Variants in ZNF215 observed in about 807,000 individuals in gnomAD.
ZNF215 encodes the protein BWSCR2-associated zinc finger protein 2.
Under a neutral mutation model 27.2 loss-of-function variants are expected in ZNF215, and 24 were observed. The ratio of observed to expected loss-of-function variants is 0.88; its 90% confidence interval spans 0.64 to 1.24. ZNF215 has a LOEUF of 1.24. Ranked by LOEUF, ZNF215 falls within the 50% of genes most tolerant of loss-of-function variation. The pLI, the probability that ZNF215 is intolerant of heterozygous loss-of-function variation, is 0.00. For missense variants in ZNF215, 675 were observed against 605.7 expected, an observed-to-expected ratio of 1.11 and a Z score of -1.20; for synonymous variants, 210 against 204.0, an observed-to-expected ratio of 1.03 and a Z score of -0.25.
chr11:6,955,549 G>A (rs1300694479), intron 6 of ZNF215, 141 bp from the exon 7 acceptor site: 8 of 804,870 alleles, frequency 9.9e-6, no homozygotes, highest in East Asian at 3.0e-5. Context: ...TCTTTTATAA[G>A]TATTTTTTTC....
chr11:6,940,089 C>T (rs879327093), intron 3 of ZNF215, among the ~76,000 whole-genome samples: 1 of 151,596 alleles, frequency 6.6e-6, no homozygotes, highest in Non-Finnish European at 1.5e-5. Context: ...AAACATTATC[C>T]AAGTATGGTG....
At chr11:6,987,897 TTTC>T (rs1207145378), downstream of ZNF215, among the ~76,000 whole-genome samples, 3 of 152,160 alleles carry the variant, frequency 2.0e-5, no homozygotes, top group South Asian at 2.1e-4. Flanking sequence ...GATTTGGCCA[TTTC>T]TTCTTCTTAG....
intron 2 of ZNF215, among the ~76,000 whole-genome samples, chr11:6,928,889 G>A (rs182928317): frequency 2.6e-5 from 4 of 152,326 alleles, no homozygotes; most frequent in African/African-American, 9.6e-5. Flanking sequence ...CAGATCAGGA[G>A]GGTCGTGGAT....
At position 6,942,623 on chromosome 11, in the gene ZNF215, T is replaced by C. The variant is rs144715714; in HGVS notation, c.484-460T>C. 5.6e-3 allele frequency among the ~76,000 whole-genome samples: 849 copies of C among 152,298 alleles called. 9 individuals are homozygous for C. Among genetic ancestry groups the C allele is most frequent in the African/African-American group, 0.02 (811 of 41,558 alleles). ...ACATTAAACTGTGAGTCCCAAATGA[T>C]AAGAGTTATCAGGCAGCATTTCTTA... On this transcript the variant is annotated intron_variant, in intron 4 of 6. Coordinates refer to ENST00000278319, the MANE Select transcript of ZNF215 (RefSeq NM_013250.4).
intron 5 of ZNF215, among the ~76,000 whole-genome samples, chr11:6,977,826 A>G (rs147300940): frequency 1.2e-3 from 185 of 152,202 alleles, no homozygotes; most frequent in African/African-American, 4.4e-3. Context: ...ACATTAACTC[A>G]TTCATGAGGG....
intron 5 of ZNF215, among the ~76,000 whole-genome samples, chr11:6,983,775 A>G (rs1039534564): frequency 1.3e-5 from 2 of 152,166 alleles, no homozygotes; most frequent in African/African-American, 4.8e-5. Context: ...ACATATGGCA[A>G]AGGAAGTGCT....
At chr11:6,975,696 C>T (rs1169098877) in intron 5 of ZNF215, among the ~76,000 whole-genome samples, 1 of 152,026 alleles carries the variant, frequency 6.6e-6, no homozygotes, top group Non-Finnish European at 1.5e-5. Context: ...TTTTTTATGG[C>T]TGAATATTAC....
intron 5 of ZNF215, among the ~76,000 whole-genome samples, chr11:6,976,173 G>A (rs764508717): frequency 7.9e-5 from 12 of 151,934 alleles, no homozygotes; most frequent in Non-Finnish European, 1.5e-4. Context: ...ATCATTTGCC[G>A]AGTTTTTGAC....
chr11:6,972,867 T>G (rs1850745092), intron 5 of ZNF215, among the ~76,000 whole-genome samples: 1 of 151,950 alleles, frequency 6.6e-6, no homozygotes, highest in Non-Finnish European at 1.5e-5. Flanking sequence ...ACTGTGCATT[T>G]CCAATGTCAT....
At chr11:6,936,206 GA>G in intron 3 of ZNF215, among the ~76,000 whole-genome samples, 1 of 152,038 alleles carries the variant, frequency 6.6e-6, no homozygotes, top group Non-Finnish European at 1.5e-5. Context: ...CAACAAAACT[GA>G]AAGTTGGTAC....
intron 3 of ZNF215, 121 bp downstream of exon 3, chr11:6,932,793 T>C (rs995517975): frequency 2.2e-6 from 2 of 906,988 alleles, no homozygotes; most frequent in Non-Finnish European, 3.2e-6. Flanking sequence ...TATTACTCTA[T>C]TAGGAAGCCT....
chr11:6,956,414 A>G lies in ZNF215; in HGVS notation c.1437A>G (p.Arg479=). The G allele has an allele frequency of 1.2e-6, 2 of 1,614,192 alleles. No homozygotes were observed. The highest frequency in any genetic ancestry group is 1.7e-6 in the Non-Finnish European group (2 of 1,180,034). ...TCAACCGGAGCTCCTCTCTTATTCGACACCAAATGATTCACACGGGAGAGA... is the reference window on the plus strand; with the variant it reads ...TCAACCGGAGCTCCTCTCTTATTCGGCACCAAATGATTCACACGGGAGAGA... ...KSFNRSSSLI[R]HQMIHTGEKP... The change falls in exon 7 of 7, where the codon CGA becomes CGG. Residue 479 remains arginine, a synonymous_variant. Coordinates refer to ENST00000278319, the MANE Select transcript of ZNF215 (RefSeq NM_013250.4).
At chr11:6,983,114 A>G (rs911681517) in intron 5 of ZNF215, among the ~76,000 whole-genome samples, 2 of 152,176 alleles carry the variant, frequency 1.3e-5, no homozygotes, top group African/African-American at 2.4e-5. Context: ...CTACCATCAG[A>G]GAATACTACA....
intron 5 of ZNF215, among the ~76,000 whole-genome samples, chr11:6,976,250 A>G (rs960364197): frequency 1.3e-5 from 2 of 152,074 alleles, no homozygotes; most frequent in African/African-American, 4.8e-5. Flanking sequence ...CTTAAAAGGA[A>G]AAACAAAACA....
At chr11:6,949,526 T>G (rs1849965016) in intron 6 of ZNF215, among the ~76,000 whole-genome samples, 1 of 152,242 alleles carries the variant, frequency 6.6e-6, no homozygotes, top group Non-Finnish European at 1.5e-5. Flanking sequence ...TTCATGTGTT[T>G]TTTGGCTGTA....
At chr11:6,973,501 A>T (rs1331696314) in intron 5 of ZNF215, among the ~76,000 whole-genome samples, 2 of 152,184 alleles carry the variant, frequency 1.3e-5, no homozygotes, top group African/African-American at 4.8e-5. Flanking sequence ...GAACTAGTTT[A>T]CAGTCCCACC....
Position 6,940,208 on chromosome 11 carries a change from C to T in ZNF215, c.401-1363C>T, listed in dbSNP as rs891524573. On this transcript the variant is annotated intron_variant, in intron 3 of 6. Coordinates refer to ENST00000278319, the MANE Select transcript of ZNF215 (RefSeq NM_013250.4). ...TGACTGTGCCATACTGCACTCCAGC[C>T]TGGACTGAGCAAGACCCTCTTTAAA... 1.8e-4 allele frequency among the ~76,000 whole-genome samples: 27 copies of T among 150,882 alleles called. 2 individuals carry two copies. The highest frequency in any genetic ancestry group is 1.4e-3 in the Admixed American group (22 of 15,180).
At chr11:6,941,849 G>A (rs759445030) in intron 4 of ZNF215, among the ~76,000 whole-genome samples, 196 bp downstream of exon 4, 7 of 152,108 alleles carry the variant, frequency 4.6e-5, no homozygotes, top group East Asian at 1.9e-4. Context: ...TATCTGTTCC[G>A]TCAATAATAT....
chr11:6,966,917 C>T (rs907512907), intron 5 of ZNF215, among the ~76,000 whole-genome samples: 5 of 151,962 alleles, frequency 3.3e-5, no homozygotes, highest in African/African-American at 9.7e-5. Context: ...TCCATCAACT[C>T]GTCATCTGCA....
Sources: allele counts gnomAD v4.1 joint callset (sites outside exome capture counted in the v4.1 genomes callset), GRCh38; gene constraint gnomAD v4.1.1; transcripts MANE v1.5; gene names NCBI Gene and HGNC (gene_info 2026-07-23, HGNC 2026-07-21).